Variants in GABRA3 observed in about 807,000 individuals in gnomAD.
GABRA3 encodes the protein gamma-aminobutyric acid type A receptor subunit alpha3, also known as gamma-aminobutyric acid receptor subunit alpha-3.
GABRA3 carries 10 observed loss-of-function variants against 30.1 expected under a neutral mutation model. The ratio of observed to expected loss-of-function variants is 0.33; its 90% CI spans 0.20 to 0.56. The LOEUF is 0.56. Ranked by LOEUF, GABRA3 falls within the 20% of genes least tolerant of loss-of-function variation. The pLI is 0.89. For synonymous variants in GABRA3, 151 were observed against 146.8 expected (o/e 1.03, Z -0.21); for missense variants, 233 against 392.0 (o/e 0.59, Z 3.42).
At chrX:152,382,000 G>A (rs754975118) in intron 1 of GABRA3, among the ~76,000 whole-genome samples, 12 of 111,336 alleles carry the variant, frequency 1.1e-4, no homozygotes, top group African/African-American at 2.6e-4. Context: ...GAACAGTGCC[G>A]CAACAAACAT....
intron 5 of GABRA3, among the ~76,000 whole-genome samples, chrX:152,248,621 C>G (rs1454427343): frequency 1.8e-5 from 2 of 111,848 alleles, no homozygotes; most frequent in Admixed American, 1.9e-4. Context: ...AACTGTTATT[C>G]ATTTTGGGGT....
chrX:152,203,996 C>T (rs1181301906), intron 7 of GABRA3, among the ~76,000 whole-genome samples: 1 of 111,510 alleles, frequency 9.0e-6, no homozygotes, highest in Non-Finnish European at 1.9e-5. Context: ...TCCGTTTTTA[C>T]AATGAAAGCA....
intron 9 of GABRA3, among the ~76,000 whole-genome samples, chrX:152,169,610 A>G (rs184293078): frequency 2.0e-3 from 223 of 111,804 alleles, no homozygotes; most frequent in African/African-American, 6.6e-3. Flanking sequence ...AAGGAGGCCA[A>G]CCCCAGCCCC....
chrX:152,225,131 C>A (rs1482980118), intron 5 of GABRA3, among the ~76,000 whole-genome samples: 3 of 96,955 alleles, frequency 3.1e-5, no homozygotes, highest in African/African-American at 3.9e-5. Context: ...TCCTTAGACA[C>A]CCCCCCCAAG....
intron 4 of GABRA3, among the ~76,000 whole-genome samples, chrX:152,258,416 A>T (rs1938673824): frequency 8.9e-6 from 1 of 111,781 alleles, no homozygotes; most frequent in East Asian, 2.8e-4. Flanking sequence ...AAAGGGAGAT[A>T]TAGTACTATG....
chrX:152,269,480 A>C (rs1452681031), intron 4 of GABRA3, among the ~76,000 whole-genome samples: 1 of 112,274 alleles, frequency 8.9e-6, no homozygotes, highest in Non-Finnish European at 1.9e-5. Flanking sequence ...GAAAAAGAAA[A>C]GACGAATCCT....
intron 3 of GABRA3, among the ~76,000 whole-genome samples, chrX:152,327,346 C>T (rs560450364): frequency 1.2e-4 from 13 of 111,160 alleles, no homozygotes; most frequent in Middle Eastern, 4.6e-3. Flanking sequence ...CTGCACCAAG[C>T]GGACCTAATA....
chrX:152,363,840 A>C (rs1166643422), intron 2 of GABRA3, among the ~76,000 whole-genome samples: 3 of 112,051 alleles, frequency 2.7e-5, no homozygotes, highest in Non-Finnish European at 5.6e-5. Flanking sequence ...GGAGAAGTCA[A>C]CAATATTGGA....
intron 1 of GABRA3, among the ~76,000 whole-genome samples, chrX:152,370,595 T>A (rs2124499727): frequency 8.9e-6 from 1 of 112,279 alleles, no homozygotes; most frequent in Non-Finnish European, 1.9e-5. Flanking sequence ...TCATAAGAAT[T>A]AAATAATCTA....
Position 152,270,460 on chromosome X carries a change from C to A in GABRA3, c.330+14208G>T, listed in dbSNP as rs368322967. Among the ~76,000 whole-genome samples, 10 of 111,453 alleles carry A rather than the reference C, an allele frequency of 9.0e-5. No homozygotes were observed. The East Asian group carries it at 1.7e-3, about 19-fold the overall frequency. Reference sequence around the variant, plus strand: ...AACGGACTAATACAGTACCTTAGTACCAGGAGGTACTAGGGTGCTGCTGTA... The same window carrying A: ...AACGGACTAATACAGTACCTTAGTAACAGGAGGTACTAGGGTGCTGCTGTA... On this transcript the variant is annotated intron_variant, in intron 4 of 9. Transcript: ENST00000370314.
intron 1 of GABRA3, among the ~76,000 whole-genome samples, chrX:152,394,036 TGTC>T (rs1419622248): frequency 9.0e-6 from 1 of 111,699 alleles, no homozygotes; most frequent in Non-Finnish European, 1.9e-5. Flanking sequence ...ATCATTGTCA[TGTC>T]ATCATCATCA....
Position 152,382,445 on chromosome X carries a change from T to C in GABRA3, c.-26-17849A>G, listed in dbSNP as rs377302099. Among the ~76,000 whole-genome samples, 8 of 112,446 alleles carry C rather than the reference T, an allele frequency of 7.1e-5. No individual in the cohort carries two copies. The East Asian group carries it at 1.4e-3, about 20-fold the overall frequency. Reference sequence around the variant, plus strand: ...CATTACTGGGTATATACCCAAAGGATTGTAAATCATTCTACCATAAAGGGA... The same window carrying C: ...CATTACTGGGTATATACCCAAAGGACTGTAAATCATTCTACCATAAAGGGA... On this transcript the variant is annotated intron_variant, in intron 1 of 9. Transcript: ENST00000370314.
At chrX:152,241,000 A>C (rs1302111772) in intron 5 of GABRA3, among the ~76,000 whole-genome samples, 1 of 107,107 alleles carries the variant, frequency 9.3e-6, no homozygotes, top group Admixed American at 1.0e-4. Flanking sequence ...CAGCTCGTCA[A>C]AGTCATTCTC....
chrX:152,263,518 T>C (rs1938768768), intron 4 of GABRA3, among the ~76,000 whole-genome samples: 1 of 110,342 alleles, frequency 9.1e-6, no homozygotes, highest in Non-Finnish European at 1.9e-5. Flanking sequence ...TATTTGAATG[T>C]ACACAGTAAT....
At chrX:152,306,639 G>A (rs1181548834) in intron 3 of GABRA3, among the ~76,000 whole-genome samples, 1 of 111,437 alleles carries the variant, frequency 9.0e-6, no homozygotes, top group Non-Finnish European at 1.9e-5. Context: ...ACTTTGCAAC[G>A]CAAAATGAGA....
chrX:152,240,465 T>C (rs1330198343), intron 5 of GABRA3, among the ~76,000 whole-genome samples: 1 of 86,521 alleles, frequency 1.2e-5, no homozygotes, highest in East Asian at 4.7e-4. Context: ...ATCTGACAAT[T>C]ATGTGTCTTG....
intron 8 of GABRA3, among the ~76,000 whole-genome samples, chrX:152,195,548 T>C (rs911388200): frequency 3.6e-5 from 4 of 112,261 alleles, no homozygotes; most frequent in Non-Finnish European, 7.5e-5. Flanking sequence ...CTGGAGGCTC[T>C]AAAGGAATAA....
chrX:152,265,681 A>C (rs1215233351), intron 4 of GABRA3, among the ~76,000 whole-genome samples: 1 of 111,837 alleles, frequency 8.9e-6, no homozygotes, highest in Non-Finnish European at 1.9e-5. Flanking sequence ...TTAATAAATA[A>C]AACAGCACAA....
chrX:152,383,910 G>A (rs761921023), intron 1 of GABRA3, among the ~76,000 whole-genome samples: 12 of 100,894 alleles, frequency 1.2e-4, no homozygotes, highest in African/African-American at 3.6e-4. Flanking sequence ...AGGAAGAGGC[G>A]AAATTGTCTC....
Sources: allele counts gnomAD v4.1 joint callset (sites outside exome capture counted in the v4.1 genomes callset), GRCh38; gene constraint gnomAD v4.1.1; transcripts MANE v1.5; gene names NCBI Gene and HGNC (gene_info 2026-07-23, HGNC 2026-07-21).